The following FAM168A variants were observed in gnomAD, a reference collection of about 807,000 sequenced individuals.
FAM168A encodes the protein protein FAM168A.
FAM168A carries 3 observed loss-of-function variants against 28.5 expected under a neutral mutation model. The observed-to-expected ratio is 0.11, with a 90% CI of 0.05 to 0.27. The LOEUF is 0.27. Among genes scored for constraint, FAM168A ranks in the 10% least tolerant of loss-of-function variants. The pLI, the probability that FAM168A is intolerant of heterozygous loss-of-function variation, is 1.00. For synonymous variants in FAM168A, 122 were observed against 124.2 expected (o/e 0.98, Z 0.12); for missense variants, 222 against 311.5 (o/e 0.71, Z 2.16).
chr11:73,419,311 G>A (rs1207529206), intron 4 of FAM168A, among the ~76,000 whole-genome samples: 5 of 152,228 alleles, frequency 3.3e-5, no homozygotes, highest in African/African-American at 7.2e-5. Flanking sequence ...TTGCACTAGG[G>A]CAGTGTTTCT....
At chr11:73,595,035 C>T (rs1022502010) in intron 1 of FAM168A, among the ~76,000 whole-genome samples, 1 of 152,110 alleles carries the variant, frequency 6.6e-6, no homozygotes, top group African/African-American at 2.4e-5. Context: ...TACTACTACA[C>T]AGGTAACCAC....
chr11:73,496,917 G>GCACA (rs376951839), intron 1 of FAM168A, among the ~76,000 whole-genome samples: 28 of 129,422 alleles, frequency 2.2e-4, no homozygotes, highest in Non-Finnish European at 3.9e-4. Flanking sequence ...GCACACACAC[G>GCACA]CACACACACA....
At chr11:73,473,955 A>G (rs1867851501) in intron 1 of FAM168A, among the ~76,000 whole-genome samples, 1 of 151,718 alleles carries the variant, frequency 6.6e-6, no homozygotes, top group Non-Finnish European at 1.5e-5. Flanking sequence ...GATTACTGGC[A>G]CCCACCACCA....
chr11:73,590,747 T>G (rs541163682), intron 1 of FAM168A, among the ~76,000 whole-genome samples: 5 of 152,358 alleles, frequency 3.3e-5, no homozygotes. Context: ...AGAAGTTTTG[T>G]TAACACTGGT....
At chr11:73,504,323 C>T (rs1855066673) in intron 1 of FAM168A, among the ~76,000 whole-genome samples, 2 of 152,076 alleles carry the variant, frequency 1.3e-5, no homozygotes, top group Non-Finnish European at 2.9e-5. Flanking sequence ...AAACAAGCAA[C>T]TCCATCAAAA....
intron 1 of FAM168A, among the ~76,000 whole-genome samples, chr11:73,585,285 G>A (rs569534715): frequency 1.3e-5 from 2 of 152,260 alleles, no homozygotes; most frequent in East Asian, 1.9e-4. Flanking sequence ...TATTTGCCAA[G>A]CACTGTAGTA....
At position 73,531,864 on chromosome 11, in the gene FAM168A, G is replaced by A. The variant is rs551419188; in HGVS notation, c.-18-63372C>T. 1.8e-3 allele frequency among the ~76,000 whole-genome samples: 270 copies of A among 148,538 alleles called. 2 individuals carry two copies. Among genetic ancestry groups the A allele is most frequent in the African/African-American group, 6.6e-3 (264 of 39,870 alleles). On this transcript the variant is annotated intron_variant, in intron 1 of 7. Coordinates refer to ENST00000356467, the MANE Select transcript of FAM168A (RefSeq NM_015159.3). ...CTGTCACCCAGGCTGGAGTGCAGTG[G>A]TGTGATCACAGCTCACTGCAGCCTC...
chr11:73,539,355 C>T lies in FAM168A; in HGVS notation c.-19+58568G>A, dbSNP rs559608307. 5.3e-5 allele frequency among the ~76,000 whole-genome samples: 8 copies of T among 152,132 alleles called. No individual in the cohort carries two copies. In the East Asian group the frequency reaches 9.7e-4, roughly 18 times the overall value. ...CACGATCTTGGCTCACTGCAACCTC[C>T]GCCTCCCAGGTTCAAGCAATTCTCC... On this transcript the variant is annotated intron_variant, in intron 1 of 7. Transcript: ENST00000356467.
At chr11:73,517,749 A>G (rs180863250) in intron 1 of FAM168A, among the ~76,000 whole-genome samples, 172 of 152,336 alleles carry the variant, frequency 1.1e-3, no homozygotes, top group African/African-American at 3.9e-3. Context: ...TGAAATACCC[A>G]ATATGACCTT....
chr11:73,454,147 CT>C (rs1481346099), intron 2 of FAM168A, among the ~76,000 whole-genome samples: 1 of 152,016 alleles, frequency 6.6e-6, no homozygotes, highest in Non-Finnish European at 1.5e-5. Flanking sequence ...TTTCTGAACC[CT>C]TCATTAACAC....
intron 1 of FAM168A, among the ~76,000 whole-genome samples, chr11:73,490,364 CA>C (rs889962313): frequency 6.6e-6 from 1 of 152,172 alleles, no homozygotes; most frequent in Non-Finnish European, 1.5e-5. Context: ...TCTCTGAAAA[CA>C]TAAGTTAAAT....
intron 1 of FAM168A, among the ~76,000 whole-genome samples, chr11:73,550,739 G>T (rs1943818086): frequency 6.6e-6 from 1 of 152,034 alleles, no homozygotes; most frequent in South Asian, 2.1e-4. Flanking sequence ...TAAATGTCAT[G>T]GATGAAGATA....
At chr11:73,435,862 T>A (rs1867078720) in intron 2 of FAM168A, among the ~76,000 whole-genome samples, 1 of 152,208 alleles carries the variant, frequency 6.6e-6, no homozygotes, top group African/African-American at 2.4e-5. Flanking sequence ...GAGCCTCAAA[T>A]CAATCCTAAT....
chr11:73,562,923 T>A (rs950465174), intron 1 of FAM168A, among the ~76,000 whole-genome samples: 11 of 152,178 alleles, frequency 7.2e-5, no homozygotes, highest in Non-Finnish European at 1.6e-4. Context: ...TAGTAAGGCA[T>A]CAATTCACAC....
At chr11:73,586,932 GT>G (rs1157965056) in intron 1 of FAM168A, among the ~76,000 whole-genome samples, 1 of 151,944 alleles carries the variant, frequency 6.6e-6, no homozygotes, top group Non-Finnish European at 1.5e-5. Flanking sequence ...CAACTCTAAA[GT>G]TTTTTTATTC....
intron 1 of FAM168A, among the ~76,000 whole-genome samples, chr11:73,581,164 A>G (rs1590748528): frequency 6.6e-6 from 1 of 152,358 alleles, no homozygotes; most frequent in East Asian, 1.9e-4. Flanking sequence ...GCATCAGATG[A>G]AGACTTCATT....
intron 1 of FAM168A, among the ~76,000 whole-genome samples, chr11:73,561,063 A>C (rs1168487513): frequency 8.0e-6 from 1 of 125,574 alleles, no homozygotes; most frequent in African/African-American, 3.7e-5. Context: ...CTCTGTCCCA[A>C]AAAAAAAAAA....
intron 2 of FAM168A, among the ~76,000 whole-genome samples, chr11:73,442,961 T>G (rs1321838026): frequency 2.5e-5 from 2 of 81,330 alleles, no homozygotes; most frequent in South Asian, 4.0e-4. Flanking sequence ...AAAGGATATA[T>G]ATATATATAT....
chr11:73,593,178 C>T (rs1944401616), intron 1 of FAM168A, among the ~76,000 whole-genome samples: 1 of 152,066 alleles, frequency 6.6e-6, no homozygotes, highest in Non-Finnish European at 1.5e-5. Flanking sequence ...AACTGTTTAT[C>T]TCTGAGGGAG....
Sources: gnomAD v4.1 joint callset for allele counts (sites outside exome capture counted in the v4.1 genomes callset) on GRCh38, gnomAD v4.1.1 for gene constraint, MANE v1.5 for transcripts, NCBI Gene and HGNC (gene_info 2026-07-23, HGNC 2026-07-21) for gene names.